Variants in PCNX1 observed in about 807,000 individuals in gnomAD.
The protein encoded by PCNX1 is pecanex 1.
Under a neutral mutation model 242.2 loss-of-function variants are expected in PCNX1, and 78 were observed. The ratio of observed to expected loss-of-function variants is 0.32; its 90% CI spans 0.27 to 0.39. The LOEUF (loss-of-function observed/expected upper bound fraction) is 0.39, where lower values mean the gene tolerates loss of function less well. Among genes scored for constraint, PCNX1 ranks in the 10% least tolerant of loss-of-function variants. The probability of loss-of-function intolerance (pLI) is 1.00; values close to 1 mark genes in which losing one functional copy is unlikely to be tolerated. For synonymous variants in PCNX1, 1,024 were observed against 1,032.9 expected, an observed-to-expected ratio of 0.99 and a Z score of 0.17; for missense variants, 2,581 against 2,856.5, an observed-to-expected ratio of 0.90 and a Z score of 2.20.
At chr14:71,087,922 T>TG (rs2062034143) in intron 28 of PCNX1, among the ~76,000 whole-genome samples, 1 of 151,964 alleles carries the variant, frequency 6.6e-6, no homozygotes, top group South Asian at 2.1e-4. Context: ...CACCTGCCAC[T>TG]GATAGCCTGC....
chr14:70,934,187 C>T (rs570612803), intron 1 of PCNX1, among the ~76,000 whole-genome samples: 1 of 152,150 alleles, frequency 6.6e-6, no homozygotes, highest in Non-Finnish European at 1.5e-5. Context: ...TTCAAGAGTC[C>T]TATTAGAAAT....
At chr14:71,064,483 C>T (rs981149108) in intron 26 of PCNX1, among the ~76,000 whole-genome samples, 1 of 152,046 alleles carries the variant, frequency 6.6e-6, no homozygotes, top group African/African-American at 2.4e-5. Flanking sequence ...GATTTCTGTC[C>T]ACCACTAACA....
intron 28 of PCNX1, chr14:71,078,615 T>C (rs1245497246): frequency 6.6e-6 from 1 of 152,242 alleles, no homozygotes; most frequent in Non-Finnish European, 1.5e-5. Context: ...AAAATAGTGC[T>C]ACCAGGCTTG....
intron 30 of PCNX1, among the ~76,000 whole-genome samples, chr14:71,099,928 C>G (rs752539599): frequency 1.2e-4 from 19 of 152,244 alleles, no homozygotes; most frequent in Middle Eastern, 3.4e-3. Context: ...AAATCTTTCT[C>G]CAGCCCTTTA....
chr14:70,995,625 AGG>A, intron 7 of PCNX1, 114 bp from the exon 8 acceptor site: 1 of 771,270 alleles, frequency 1.3e-6, no homozygotes, highest in East Asian at 2.7e-5. Flanking sequence ...GCGCTTTCTT[AGG>A]TTATGTTGAA....
At chr14:71,024,525 TC>T (rs1294641818) in intron 13 of PCNX1, among the ~76,000 whole-genome samples, 1 of 152,180 alleles carries the variant, frequency 6.6e-6, no homozygotes, top group Non-Finnish European at 1.5e-5. Context: ...TTTTTATTTT[TC>T]ACCCTGTCTT....
At chr14:71,106,546 G>T (rs1457110201) in intron 33 of PCNX1, among the ~76,000 whole-genome samples, 1 of 150,228 alleles carries the variant, frequency 6.7e-6, no homozygotes, top group Admixed American at 6.6e-5. Flanking sequence ...TTTCCAGAAA[G>T]GTTTTTTTTT....
At position 71,103,409 on chromosome 14, in the gene PCNX1, T is replaced by C. The variant is rs1208851732; in HGVS notation, c.5835T>C (p.Cys1945=). 6.2e-7 allele frequency: 1 copy of C among 1,614,050 alleles called. No homozygotes were observed. Among genetic ancestry groups the C allele is most frequent in the Non-Finnish European group, 8.5e-7 (1 of 1,179,996 alleles). The change falls in exon 32 of 36, where the codon TGT becomes TGC. Residue 1945 remains cysteine, a synonymous_variant. Coordinates refer to ENST00000304743, the MANE Select transcript of PCNX1 (RefSeq NM_014982.3). ...CTGGTTTTCAGGTGAATAAGGAATG[T>C]GTCCGAGGTCTTTGGGCAGGGCAAC... ...SFRVIKVNKE[C]VRGLWAGQQQ... is the part of the protein sequence containing the mutation.
At position 70,942,037 on chromosome 14, in the gene PCNX1, C is replaced by T. The variant is rs142775376; in HGVS notation, c.154-4878C>T. ...TTCCAGGTGCCATCTGTCACAGCTT[C>T]CCTTGGCTAGGAAAGGGAATTCTCC... On this transcript the variant is annotated intron_variant, in intron 1 of 35. Transcript: ENST00000304743. Among the ~76,000 whole-genome samples, 1,368 of 152,262 alleles carry T rather than the reference C, an allele frequency of 9.0e-3. 10 individuals are homozygous for T. Among genetic ancestry groups the T allele is most frequent in the Non-Finnish European group, 0.012 (842 of 68,010 alleles).
intron 2 of PCNX1, among the ~76,000 whole-genome samples, chr14:70,954,695 C>T (rs1205646673): frequency 6.6e-6 from 1 of 152,006 alleles, no homozygotes; most frequent in South Asian, 2.1e-4. Context: ...AATGATGTTC[C>T]CTTGTCTATA....
chr14:70,974,067 T>G (rs1463553468), intron 5 of PCNX1, among the ~76,000 whole-genome samples: 3 of 149,398 alleles, frequency 2.0e-5, no homozygotes, highest in Non-Finnish European at 4.4e-5. Context: ...ATATGTGGTT[T>G]TTTTTTTTTT....
At chr14:71,083,235 G>T (rs1424029734) in intron 28 of PCNX1, among the ~76,000 whole-genome samples, 2 of 152,130 alleles carry the variant, frequency 1.3e-5, no homozygotes. Flanking sequence ...TTAGTCTGAT[G>T]GGCTTCCCTT....
At chr14:71,048,946 T>C (rs2060945148) in intron 22 of PCNX1, 1 of 492,220 alleles carries the variant, frequency 2.0e-6, no homozygotes, top group African/African-American at 2.1e-5. Flanking sequence ...ATTATATCTG[T>C]TCAGTCACTA....
At chr14:71,041,497 A>T (rs1052632105) in intron 19 of PCNX1, among the ~76,000 whole-genome samples, 2 of 152,164 alleles carry the variant, frequency 1.3e-5, no homozygotes, top group East Asian at 3.8e-4. Context: ...ATAGTTACTC[A>T]TAGTAGCCAC....
chr14:70,958,479 C>G (rs999803613), intron 2 of PCNX1, among the ~76,000 whole-genome samples: 2 of 152,184 alleles, frequency 1.3e-5, no homozygotes, highest in Non-Finnish European at 2.9e-5. Flanking sequence ...ACTGAAAAGT[C>G]TGCACATGAG....
At chr14:71,068,035 T>A (rs1381279627) in intron 26 of PCNX1, among the ~76,000 whole-genome samples, 1 of 152,010 alleles carries the variant, frequency 6.6e-6, no homozygotes, top group East Asian at 1.9e-4. Context: ...TATCAAAATG[T>A]GACTAAGTGG....
chr14:71,010,490 C>T (rs551741237), intron 9 of PCNX1, among the ~76,000 whole-genome samples: 63 of 152,056 alleles, frequency 4.1e-4, no homozygotes, highest in Admixed American at 1.2e-3. Flanking sequence ...ATGTCTCATA[C>T]GTTACCTTTA....
At chr14:71,090,255 G>A (rs1398992692) in intron 30 of PCNX1, among the ~76,000 whole-genome samples, 1 of 152,174 alleles carries the variant, frequency 6.6e-6, no homozygotes, top group Admixed American at 6.5e-5. Context: ...CTAGATGATT[G>A]CAAGAATATA....
chr14:70,935,379 C>G (rs2056961025), intron 1 of PCNX1, among the ~76,000 whole-genome samples: 1 of 151,982 alleles, frequency 6.6e-6, no homozygotes, highest in South Asian at 2.1e-4. Flanking sequence ...AGACACTGTC[C>G]CTACTTTTAA....
Sources: allele counts gnomAD v4.1 joint callset (sites outside exome capture counted in the v4.1 genomes callset), GRCh38; gene constraint gnomAD v4.1.1; transcripts MANE v1.5; gene names NCBI Gene and HGNC (gene_info 2026-07-23, HGNC 2026-07-21).